DOCK4: variants seen among roughly 807,000 people sequenced by gnomAD.
DOCK4 encodes dedicator of cytokinesis protein 4.
Under a neutral mutation model 268.1 loss-of-function variants are expected in DOCK4, and 97 were observed. The ratio of observed to expected loss-of-function variants is 0.36; its 90% confidence interval spans 0.31 to 0.43. The LOEUF (loss-of-function observed/expected upper bound fraction) is 0.43, where lower values mean the gene tolerates loss of function less well. Among genes scored for constraint, DOCK4 ranks in the 20% least tolerant of loss-of-function variants. The probability of loss-of-function intolerance (pLI) is 1.00; values close to 1 mark genes in which losing one functional copy is unlikely to be tolerated. For missense variants in DOCK4, 2,145 were observed against 2,455.7 expected, an observed-to-expected ratio of 0.87 and a Z score of 2.67; for synonymous variants, 954 against 887.2, an observed-to-expected ratio of 1.08 and a Z score of -1.34.
Position 111,739,485 on chromosome 7 carries a change from C to T in DOCK4, c.5041-8G>A, listed in dbSNP as rs1156684939. 2.6e-6 allele frequency: 4 copies of T among 1,560,200 alleles called. No individual in the cohort carries two copies. In the South Asian group the frequency reaches 3.5e-5, roughly 14 times the overall value. On this transcript the variant is annotated splice_region_variant and splice_polypyrimidine_tract_variant and intron_variant, in intron 47 of 52. Coordinates refer to ENST00000428084, the MANE Select transcript of DOCK4 (RefSeq NM_001363540.2). Reference sequence around the variant, plus strand: ...TGAGGTAGATGGACTTGGCTGGAAACACACAGGGAGCTATTATCATACCCT... The same window carrying T: ...TGAGGTAGATGGACTTGGCTGGAAATACACAGGGAGCTATTATCATACCCT...
intron 1 of DOCK4, among the ~76,000 whole-genome samples, chr7:112,192,094 A>G (rs1820008710): frequency 6.6e-6 from 1 of 150,438 alleles, no homozygotes; most frequent in Non-Finnish European, 1.5e-5. Flanking sequence ...GTGTGCATTT[A>G]TATATAATTA....
At chr7:111,878,658 T>G (rs1318333053) in intron 16 of DOCK4, among the ~76,000 whole-genome samples, 1 of 152,104 alleles carries the variant, frequency 6.6e-6, no homozygotes, top group Non-Finnish European at 1.5e-5. Context: ...CTGTGCAAGT[T>G]TGTAGGATAA....
intron 1 of DOCK4, among the ~76,000 whole-genome samples, chr7:112,058,872 G>A (rs1199073625): frequency 1.4e-5 from 2 of 147,662 alleles, no homozygotes; most frequent in African/African-American, 5.4e-5. Flanking sequence ...TGGGAACTGG[G>A]AAGTGAAGGC....
chr7:111,840,405 G>A (rs554667453), intron 25 of DOCK4, among the ~76,000 whole-genome samples: 1 of 152,238 alleles, frequency 6.6e-6, no homozygotes, highest in East Asian at 1.9e-4. Flanking sequence ...TTTATAAATT[G>A]TAAGGAACTC....
At chr7:112,020,860 T>C (rs1684307942) in intron 1 of DOCK4, among the ~76,000 whole-genome samples, 1 of 152,214 alleles carries the variant, frequency 6.6e-6, no homozygotes, top group South Asian at 2.1e-4. Flanking sequence ...CATGATCTAA[T>C]CCTAACACAT....
In DOCK4 at chr7:111,739,152, T is replaced by C. The variant is rs1226295013; in HGVS notation, c.5214A>G (p.Thr1738=). Residue 1738 remains threonine, a synonymous_variant, in exon 49 of 53, where the codon ACA becomes ACG. Coordinates refer to ENST00000428084, the MANE Select transcript of DOCK4 (RefSeq NM_001363540.2). ...RERPCSAIYP[T]PVEPSQRMLF... Reference sequence around the variant, plus strand: ...GGAGTACCTGCGAAGGCTCCACAGGTGTTGGATAGATGGCACTGCATGGTC... The same window carrying C: ...GGAGTACCTGCGAAGGCTCCACAGGCGTTGGATAGATGGCACTGCATGGTC... 2.5e-6 allele frequency: 4 copies of C among 1,613,470 alleles called. No homozygotes were observed. Among genetic ancestry groups the C allele is most frequent in the African/African-American group, 1.3e-5 (1 of 74,870 alleles).
intron 52 of DOCK4, among the ~76,000 whole-genome samples, chr7:111,731,703 T>C (rs1403170156): frequency 6.6e-6 from 1 of 152,238 alleles, no homozygotes; most frequent in African/African-American, 2.4e-5. Context: ...TTGTTTTTCA[T>C]GATCAAGTAT....
chr7:111,798,768 A>C (rs758426994), intron 30 of DOCK4, among the ~76,000 whole-genome samples: 11 of 152,234 alleles, frequency 7.2e-5, no homozygotes, highest in Non-Finnish European at 1.3e-4. Context: ...TAGCTCTTAC[A>C]AGAGCACTTG....
intron 8 of DOCK4, among the ~76,000 whole-genome samples, chr7:111,948,413 A>T (rs1795792247): frequency 6.6e-6 from 1 of 152,148 alleles, no homozygotes; most frequent in African/African-American, 2.4e-5. Context: ...GAATACTGAG[A>T]TAAAGGAAAA....
chr7:112,074,537 G>A (rs1807887154), intron 1 of DOCK4, among the ~76,000 whole-genome samples: 1 of 152,270 alleles, frequency 6.6e-6, no homozygotes, highest in Non-Finnish European at 1.5e-5. Context: ...GATCTGCCAT[G>A]GGGATACTAG....
intron 1 of DOCK4, among the ~76,000 whole-genome samples, chr7:112,120,435 G>A (rs1191831228): frequency 6.6e-6 from 1 of 152,132 alleles, no homozygotes; most frequent in Non-Finnish European, 1.5e-5. Flanking sequence ...GTCTGGATTA[G>A]TAATCTAGAC....
chr7:112,098,092 A>G (rs1244207125), intron 1 of DOCK4, among the ~76,000 whole-genome samples: 1 of 152,262 alleles, frequency 6.6e-6, no homozygotes, highest in African/African-American at 2.4e-5. Flanking sequence ...TGCACTAAAA[A>G]TGCAAGGATA....
At chr7:112,101,328 G>A (rs1810658391) in intron 1 of DOCK4, among the ~76,000 whole-genome samples, 1 of 152,198 alleles carries the variant, frequency 6.6e-6, no homozygotes, top group African/African-American at 2.4e-5. Flanking sequence ...TTTGAATCTA[G>A]ACGATGGTCA....
In DOCK4 at chr7:112,170,761, C is replaced by G. The variant is rs371990237; in HGVS notation, c.37+35341G>C. Among the ~76,000 whole-genome samples, 11 of 152,178 alleles carry G rather than the reference C, an allele frequency of 7.2e-5. No individual in the cohort carries two copies. In the East Asian group the frequency reaches 1.5e-3, roughly 21 times the overall value. ...TTAAGTAATCTAAGAAATTTTAAAGCCAAAATGACTGCCTATGAACAATTA... is the reference window on the plus strand; with the variant it reads ...TTAAGTAATCTAAGAAATTTTAAAGGCAAAATGACTGCCTATGAACAATTA... On this transcript the variant is annotated intron_variant, in intron 1 of 52. Coordinates refer to ENST00000428084, the MANE Select transcript of DOCK4 (RefSeq NM_001363540.2).
chr7:112,009,552 G>T (rs778499483), intron 1 of DOCK4, among the ~76,000 whole-genome samples: 3 of 152,170 alleles, frequency 2.0e-5, no homozygotes, highest in Non-Finnish European at 2.9e-5. Flanking sequence ...GATGGAGCAG[G>T]CATCGGTGTT....
chr7:111,793,019 A>G (rs1799658496), intron 30 of DOCK4, among the ~76,000 whole-genome samples: 1 of 152,228 alleles, frequency 6.6e-6, no homozygotes. Context: ...CTGTTGAAAC[A>G]TTAAAAGCTA....
chr7:112,170,804 T>C (rs11536572), intron 1 of DOCK4, among the ~76,000 whole-genome samples: 15,279 of 152,246 alleles, frequency 0.1, 953 homozygotes, highest in South Asian at 0.14. Flanking sequence ...ACTGAGATAC[T>C]GTACACAGAA....
chr7:112,109,859 C>T lies in DOCK4; in HGVS notation c.37+96243G>A, dbSNP rs796976591. On this transcript the variant is annotated intron_variant, in intron 1 of 52. Transcript: ENST00000428084. Reference sequence around the variant, plus strand: ...TCCCGGGTTCACGCCATTCTCCTGCCTCAGCCTCCCAAGTAGCTGGGACTA... The same window carrying T: ...TCCCGGGTTCACGCCATTCTCCTGCTTCAGCCTCCCAAGTAGCTGGGACTA... 1.1e-4 allele frequency among the ~76,000 whole-genome samples: 16 copies of T among 151,054 alleles called. No individual in the cohort carries two copies. In the South Asian group the frequency reaches 2.5e-3, roughly 24 times the overall value.
chr7:112,105,389 G>A (rs1274864041), intron 1 of DOCK4, among the ~76,000 whole-genome samples: 1 of 152,008 alleles, frequency 6.6e-6, no homozygotes, highest in Non-Finnish European at 1.5e-5. Context: ...TGGGTAATGA[G>A]ACCCCTCTGT....
Sources: allele counts gnomAD v4.1 joint callset (sites outside exome capture counted in the v4.1 genomes callset), GRCh38; gene constraint gnomAD v4.1.1; transcripts MANE v1.5; gene names NCBI Gene and HGNC (gene_info 2026-07-23, HGNC 2026-07-21).